SUSD6: variants seen among roughly 807,000 people sequenced by gnomAD.
SUSD6 encodes the protein sushi domain containing 6.
In SUSD6, 16 loss-of-function variants were observed where a neutral mutation model predicts 28.4. That is an observed-to-expected ratio of 0.56 (90% confidence interval 0.38 to 0.86). The LOEUF is 0.86. SUSD6 is among the 40% of genes least tolerant of loss of function. The probability of loss-of-function intolerance (pLI) is 0.00; values close to 1 mark genes in which losing one functional copy is unlikely to be tolerated. For missense variants in SUSD6, 341 were observed against 384.2 expected, an observed-to-expected ratio of 0.89 and a Z score of 0.94; for synonymous variants, 147 against 159.6, an observed-to-expected ratio of 0.92 and a Z score of 0.59.
chr14:69,695,433 A>G (rs1173160792), intron 2 of SUSD6, among the ~76,000 whole-genome samples: 2 of 152,238 alleles, frequency 1.3e-5, no homozygotes, highest in African/African-American at 2.4e-5. Flanking sequence ...TTGGAGAGGT[A>G]GTGAGGCCCG....
At chr14:69,644,240 T>C (rs1885393969) in intron 1 of SUSD6, among the ~76,000 whole-genome samples, 1 of 152,226 alleles carries the variant, frequency 6.6e-6, no homozygotes, top group Non-Finnish European at 1.5e-5. Flanking sequence ...AATGAGTTCA[T>C]AAGCCCTGTC....
chr14:69,641,358 A>G (rs1049354819), intron 1 of SUSD6, among the ~76,000 whole-genome samples: 1 of 150,058 alleles, frequency 6.7e-6, no homozygotes, highest in Admixed American at 6.6e-5. Flanking sequence ...GTGCCTTGCT[A>G]CCTCTCCCCA....
intron 1 of SUSD6, among the ~76,000 whole-genome samples, chr14:69,633,872 A>G (rs1885228951): frequency 6.6e-6 from 1 of 152,174 alleles, no homozygotes; most frequent in Admixed American, 6.5e-5. Flanking sequence ...ACAAATGTGA[A>G]CCATTGGAGG....
At chr14:69,659,808 G>A (rs982741154) in intron 2 of SUSD6, among the ~76,000 whole-genome samples, 12 of 152,120 alleles carry the variant, frequency 7.9e-5, no homozygotes, top group Non-Finnish European at 1.5e-4. Flanking sequence ...CGTCAGCCAC[G>A]TGCTCGGCCC....
At chr14:69,706,764 C>T (rs181384261) in intron 4 of SUSD6, among the ~76,000 whole-genome samples, 7 of 152,244 alleles carry the variant, frequency 4.6e-5, no homozygotes, top group Non-Finnish European at 7.4e-5. Context: ...AAACCTCTGC[C>T]ACTTCTCTCC....
intron 1 of SUSD6, among the ~76,000 whole-genome samples, chr14:69,649,244 A>G (rs1439568377): frequency 6.6e-6 from 1 of 152,226 alleles, no homozygotes; most frequent in Admixed American, 6.5e-5. Flanking sequence ...TGCATAGAAG[A>G]CAGCCAGTAA....
intron 1 of SUSD6, among the ~76,000 whole-genome samples, chr14:69,627,021 A>G (rs577832526): frequency 4.6e-5 from 7 of 152,092 alleles, no homozygotes; most frequent in African/African-American, 1.7e-4. Flanking sequence ...TCTGACTCCC[A>G]CTAGCTTGGC....
chr14:69,690,146 C>T (rs904620555), intron 2 of SUSD6, among the ~76,000 whole-genome samples: 64 of 152,270 alleles, frequency 4.2e-4, no homozygotes, highest in African/African-American at 1.4e-3. Flanking sequence ...ACTGGTCAGT[C>T]AAAAGTGGCT....
intron 1 of SUSD6, among the ~76,000 whole-genome samples, chr14:69,642,659 T>TG (rs1484089826): frequency 8.1e-6 from 1 of 123,888 alleles, no homozygotes; most frequent in East Asian, 2.9e-4. Flanking sequence ...CCCGCCCCCC[T>TG]GCTGGGTCCC....
At position 69,704,713 on chromosome 14, in the gene SUSD6, G is replaced by A. The variant is rs1398644057; in HGVS notation, c.429G>A (p.Gln143=). Residue 143 remains glutamine (Q), a synonymous_variant, in exon 4 of 6, where the codon CAG becomes CAA. Coordinates refer to ENST00000342745, the MANE Select transcript of SUSD6 (RefSeq NM_014734.4). ...LLLVVLFVLL[Q]PKLKSFHHSR... ...TCGTGGTGCTGTTTGTGCTGCTGCAGCCAAAGCTGAAGTCTTTCCATCATA... is the reference window on the plus strand; with the variant it reads ...TCGTGGTGCTGTTTGTGCTGCTGCAACCAAAGCTGAAGTCTTTCCATCATA... 1 of 1,614,038 alleles carries A rather than the reference G, an allele frequency of 6.2e-7. No homozygotes were observed. Among genetic ancestry groups the A allele is most frequent in the African/African-American group, 1.3e-5 (1 of 74,924 alleles).
intron 2 of SUSD6, among the ~76,000 whole-genome samples, chr14:69,683,440 A>G (rs542185151): frequency 2.0e-5 from 3 of 152,318 alleles, no homozygotes; most frequent in South Asian, 2.1e-4. Context: ...GTGGAGACAT[A>G]GATGCTTTTG....
chr14:69,706,801 T>C (rs187125998), intron 4 of SUSD6, among the ~76,000 whole-genome samples: 22 of 152,302 alleles, frequency 1.4e-4, no homozygotes, highest in African/African-American at 5.3e-4. Context: ...GCACAGATTT[T>C]ACTGCCAAGA....
In SUSD6 at chr14:69,670,321, C is replaced by T. The variant is rs866878700; in HGVS notation, c.121+11608C>T. 3.3e-4 allele frequency: 135 copies of T among 410,866 alleles called. No individual in the cohort carries two copies. The Middle Eastern group carries it at 6.9e-3, about 21-fold the overall frequency. The allele number at this position is 410,866 out of a possible 1,614,324, so 25.5% of individuals were successfully genotyped here. On this transcript the variant is annotated intron_variant, in intron 2 of 5. Transcript: ENST00000342745. ...CACTCTGATTTATTCCACAGGTACT[C>T]GTTGAATTCCTGCTGAATGCCAAGA...
At chr14:69,670,462 A>G in intron 2 of SUSD6, 1 of 456,768 alleles carries the variant, frequency 2.2e-6, no homozygotes, top group Non-Finnish European at 4.4e-6. Context: ...TGAATTGGTC[A>G]TGGAAGGCTT....
chr14:69,638,423 A>AGGGTGTGT (rs1555343232), intron 1 of SUSD6, among the ~76,000 whole-genome samples: 1 of 139,142 alleles, frequency 7.2e-6, no homozygotes, highest in Non-Finnish European at 1.5e-5. Flanking sequence ...TGGGGTGGGG[A>AGGGTGTGT]GTGTGTGTGT....
At chr14:69,650,519 A>G (rs1035080761) in intron 1 of SUSD6, among the ~76,000 whole-genome samples, 1 of 152,196 alleles carries the variant, frequency 6.6e-6, no homozygotes, top group Non-Finnish European at 1.5e-5. Context: ...GCATGGAAGC[A>G]AAGTGCTTGT....
chr14:69,700,005 T>C (rs935521552), intron 2 of SUSD6, among the ~76,000 whole-genome samples: 9 of 152,178 alleles, frequency 5.9e-5, no homozygotes, highest in African/African-American at 2.2e-4. Context: ...ATGGGTTCTC[T>C]ACCTGGTGGG....
At chr14:69,670,064 G>T (rs1566599892) in intron 2 of SUSD6, among the ~76,000 whole-genome samples, 1 of 152,200 alleles carries the variant, frequency 6.6e-6, no homozygotes. Context: ...TTTTGGTAGG[G>T]TTGCTGTGGG....
chr14:69,623,750 A>T (rs1199122406), intron 1 of SUSD6, among the ~76,000 whole-genome samples: 1 of 152,184 alleles, frequency 6.6e-6, no homozygotes, highest in African/African-American at 2.4e-5. Context: ...GCCTAGGCTA[A>T]TGTGTGTGTT....
Sources: gnomAD v4.1 joint callset for allele counts (sites outside exome capture counted in the v4.1 genomes callset) on GRCh38, gnomAD v4.1.1 for gene constraint, MANE v1.5 for transcripts, NCBI Gene and HGNC (gene_info 2026-07-23, HGNC 2026-07-21) for gene names.